The following PTPN4 variants were observed in gnomAD, a reference collection of about 807,000 sequenced individuals.
PTPN4 encodes protein tyrosine phosphatase non-receptor type 4.
PTPN4 carries 49 observed loss-of-function variants against 135.5 expected under a neutral mutation model. The observed-to-expected ratio is 0.36, with a 90% CI of 0.29 to 0.46. The LOEUF is 0.46. Ranked by LOEUF, PTPN4 falls within the 20% of genes least tolerant of loss-of-function variation. The probability of loss-of-function intolerance (pLI) is 1.00; values close to 1 mark genes in which losing one functional copy is unlikely to be tolerated. For synonymous variants in PTPN4, 333 were observed against 369.9 expected (o/e 0.90, Z 1.14); for missense variants, 860 against 1,101.0 (o/e 0.78, Z 3.10).
chr2:119,882,504 T>G lies in PTPN4; in HGVS notation c.468T>G (p.Ser156=). ...TGAATGTTTTCCTTTCATTATTAGC[T>G]GAACTTGGAGACTACGATCAGTCAG... ...AALLASFAVQ[S]ELGDYDQSEN... is the part of the protein sequence containing the mutation. Residue 156 remains serine, a splice_region_variant and synonymous_variant, in exon 8 of 27, where the codon TCT becomes TCG. Transcript: ENST00000263708. 6.6e-7 allele frequency: 1 copy of G among 1,517,208 alleles called. No homozygotes were observed. Among genetic ancestry groups the G allele is most frequent in the Non-Finnish European group, 8.9e-7 (1 of 1,128,996 alleles). The allele number at this position is 1,517,208 out of a possible 1,614,324, so 94.0% of individuals were successfully genotyped here.
chr2:119,909,516 T>C (rs1678537299), intron 10 of PTPN4, among the ~76,000 whole-genome samples: 1 of 152,154 alleles, frequency 6.6e-6, no homozygotes, highest in Non-Finnish European at 1.5e-5. Flanking sequence ...ATGAGCTCTG[T>C]TAGAGATGGC....
chr2:119,924,889 G>T (rs1021629766), intron 12 of PTPN4, among the ~76,000 whole-genome samples: 6 of 152,064 alleles, frequency 3.9e-5, no homozygotes, highest in African/African-American at 1.4e-4. Flanking sequence ...GAGGAAATTA[G>T]TTACATGGTT....
intron 3 of PTPN4, among the ~76,000 whole-genome samples, chr2:119,875,769 C>T (rs1451897562): frequency 6.6e-6 from 1 of 152,086 alleles, no homozygotes; most frequent in Non-Finnish European, 1.5e-5. Context: ...TTATGTCAAG[C>T]CCTGTGCTAG....
At chr2:119,820,746 C>A (rs781404653) in intron 2 of PTPN4, among the ~76,000 whole-genome samples, 1 of 152,074 alleles carries the variant, frequency 6.6e-6, no homozygotes, top group East Asian at 1.9e-4. Context: ...TTATTTGAGT[C>A]TTTGCCCTTA....
intron 2 of PTPN4, among the ~76,000 whole-genome samples, chr2:119,852,631 GT>G (rs1394437891): frequency 6.6e-6 from 1 of 151,702 alleles, no homozygotes; most frequent in Non-Finnish European, 1.5e-5. Context: ...TCTATTTTTT[GT>G]TTTCAAATAC....
At chr2:119,973,459 A>T (rs555750657) in intron 26 of PTPN4, among the ~76,000 whole-genome samples, 1 of 152,160 alleles carries the variant, frequency 6.6e-6, no homozygotes, top group East Asian at 1.9e-4. Context: ...GTGTATAAAG[A>T]TCTCTTTGAG....
rs1418556861 is a variant in PTPN4, at chr2:119,980,875, CAA to C, written c.*3808_*3809del. ...AGAAGACTAATTTTTTAAAAGCACT[CAA>C]AACATAGAACTAAGATTTAGAATAT... is the stretch of plus-strand genomic sequence containing the variant. On this transcript the variant is annotated 3_prime_UTR_variant, in exon 27 of 27. Transcript: ENST00000263708. 1 of 151,814 alleles carries C rather than the reference CAA, an allele frequency of 6.6e-6. No homozygotes were observed. The highest frequency in any genetic ancestry group is 1.5e-5 in the Non-Finnish European group (1 of 67,872). 9.4% of individuals were successfully genotyped at this position (151,814 alleles called of 1,614,324 possible). A position where few individuals can be genotyped will look rare whatever the true frequency, so the allele number is the denominator to read the frequency against.
At chr2:119,942,872 A>G (rs1679080170) in intron 15 of PTPN4, among the ~76,000 whole-genome samples, 1 of 152,170 alleles carries the variant, frequency 6.6e-6, no homozygotes. Context: ...GGCCCTTAGA[A>G]GCTTGTATTC....
intron 2 of PTPN4, among the ~76,000 whole-genome samples, chr2:119,850,540 C>T (rs947891407): frequency 6.6e-6 from 1 of 152,176 alleles, no homozygotes; most frequent in South Asian, 2.1e-4. Flanking sequence ...TATCCCTTGA[C>T]TAGGATCTGG....
At chr2:119,947,345 A>G (rs1400220769) in intron 18 of PTPN4, among the ~76,000 whole-genome samples, 1 of 152,118 alleles carries the variant, frequency 6.6e-6, no homozygotes, top group Non-Finnish European at 1.5e-5. Context: ...AGCAACCTCA[A>G]AGTTGGTTTG....
At chr2:119,948,392 C>G (rs1679166273) in intron 18 of PTPN4, among the ~76,000 whole-genome samples, 1 of 151,802 alleles carries the variant, frequency 6.6e-6, no homozygotes, top group African/African-American at 2.4e-5. Context: ...TAAACCTAGT[C>G]AAATCTTTTA....
chr2:119,934,565 A>G (rs563713709), intron 14 of PTPN4, among the ~76,000 whole-genome samples: 64 of 152,210 alleles, frequency 4.2e-4, no homozygotes, highest in Non-Finnish European at 7.8e-4. Flanking sequence ...ACTTAGAGAT[A>G]GTAGGTAACT....
At chr2:119,907,649 G>A (rs1031481763) in intron 10 of PTPN4, among the ~76,000 whole-genome samples, 1 of 151,864 alleles carries the variant, frequency 6.6e-6, no homozygotes, top group Non-Finnish European at 1.5e-5. Context: ...AAAAGATCCT[G>A]AATAGCCAAA....
At chr2:119,934,711 C>A (rs1022536118) in intron 14 of PTPN4, 89 bp from the exon 15 acceptor site, 4 of 1,306,414 alleles carry the variant, frequency 3.1e-6, no homozygotes, top group African/African-American at 1.5e-5. Flanking sequence ...AAAACACATA[C>A]CCCCTTTCTG....
At chr2:119,930,054 A>G (rs1232434616) in intron 13 of PTPN4, among the ~76,000 whole-genome samples, 1 of 152,130 alleles carries the variant, frequency 6.6e-6, no homozygotes, top group East Asian at 1.9e-4. Context: ...GAGGTAATAT[A>G]CTTTATTTTC....
chr2:119,872,371 A>G (rs1488312396), intron 3 of PTPN4, among the ~76,000 whole-genome samples: 1 of 152,230 alleles, frequency 6.6e-6, no homozygotes, highest in Admixed American at 6.5e-5. Context: ...TACAGCTACC[A>G]TTAAGATGAG....
intron 8 of PTPN4, among the ~76,000 whole-genome samples, chr2:119,883,682 CAA>C (rs1678113194): frequency 6.6e-6 from 1 of 152,144 alleles, no homozygotes; most frequent in South Asian, 2.1e-4. Context: ...TAACCTTGGC[CAA>C]ACTGTTTTAT....
chr2:119,909,638 C>T (rs1430784165), intron 10 of PTPN4, among the ~76,000 whole-genome samples: 1 of 152,022 alleles, frequency 6.6e-6, no homozygotes, highest in Non-Finnish European at 1.5e-5. Context: ...CTGTAGTGGC[C>T]ATTGAGGATG....
At chr2:119,934,670 A>G in intron 14 of PTPN4, 130 bp from the exon 15 acceptor site, 1 of 854,704 alleles carries the variant, frequency 1.2e-6, no homozygotes, top group South Asian at 1.6e-5. Flanking sequence ...TGTCTTTTTC[A>G]GAGATTGCTT....
Sources: gnomAD v4.1 joint callset for allele counts (sites outside exome capture counted in the v4.1 genomes callset) on GRCh38, gnomAD v4.1.1 for gene constraint, MANE v1.5 for transcripts, NCBI Gene and HGNC (gene_info 2026-07-23, HGNC 2026-07-21) for gene names.